Variants in EPB41L5 observed in about 807,000 individuals in gnomAD.
EPB41L5 encodes erythrocyte membrane protein band 4.1 like 5.
EPB41L5 carries 55 observed loss-of-function variants against 106.6 expected under a neutral mutation model. That is an observed-to-expected ratio of 0.52 (90% CI 0.42 to 0.65). The LOEUF is 0.65. Ranked by LOEUF, EPB41L5 falls within the 30% of genes least tolerant of loss-of-function variation. The pLI is 0.00. For synonymous variants in EPB41L5, 297 were observed against 306.7 expected (o/e 0.97, Z 0.33); for missense variants, 871 against 882.1 (o/e 0.99, Z 0.16).
rs1683546094 is a variant in EPB41L5, at chr2:120,093,420, A to G, written c.1178+144A>G. ...TATGTCAGGGAATAAATGAACATGT[A>G]ATGCCAGATAAAAGTGACATGATGA... On this transcript the variant is annotated intron_variant, in intron 14 of 24. Coordinates refer to ENST00000263713, the MANE Select transcript of EPB41L5 (RefSeq NM_020909.4). 5.0e-5 allele frequency: 36 copies of G among 726,726 alleles called. 1 individual carries two copies. The South Asian group carries it at 5.8e-4, about 12-fold the overall frequency. The allele number at this position is 726,726 out of a possible 1,614,324, so 45.0% of individuals were successfully genotyped here. A position where few individuals can be genotyped will look rare whatever the true frequency, so the allele number is the denominator to read the frequency against.
chr2:120,077,644 C>T (rs1034490), intron 9 of EPB41L5, among the ~76,000 whole-genome samples: 150,746 of 152,252 alleles, frequency 0.99, 74,645 homozygotes, highest in East Asian at 1. Context: ...TCCTGTTATA[C>T]GACTTACACT....
chr2:120,066,481 A>T (rs994470456), intron 3 of EPB41L5, among the ~76,000 whole-genome samples: 1 of 152,206 alleles, frequency 6.6e-6, no homozygotes, highest in Non-Finnish European at 1.5e-5. Flanking sequence ...GTGGATATAT[A>T]GTGCTCTATT....
At chr2:120,080,474 A>G (rs868511816) in intron 10 of EPB41L5, among the ~76,000 whole-genome samples, 54 of 152,270 alleles carry the variant, frequency 3.5e-4, no homozygotes, top group Middle Eastern at 3.4e-3. Context: ...TCCATGGTGT[A>G]TATGTGCCAC....
At chr2:120,173,681 A>T (rs562741119) in intron 24 of EPB41L5, among the ~76,000 whole-genome samples, 2 of 152,146 alleles carry the variant, frequency 1.3e-5, no homozygotes, top group South Asian at 4.1e-4. Context: ...ATATCGTTTT[A>T]CATCTTTAAA....
chr2:120,080,575 C>G (rs1682578572), intron 10 of EPB41L5, among the ~76,000 whole-genome samples: 1 of 152,140 alleles, frequency 6.6e-6, no homozygotes, highest in Non-Finnish European at 1.5e-5. Context: ...CATACGTGTG[C>G]ATGTGTCTTT....
At chr2:120,151,789 G>A (rs1183105086) in intron 20 of EPB41L5, among the ~76,000 whole-genome samples, 1 of 151,580 alleles carries the variant, frequency 6.6e-6, no homozygotes, top group Non-Finnish European at 1.5e-5. Context: ...GCTAATTTTT[G>A]TATTTTTAGT....
chr2:120,082,597 G>T (rs1233290532), intron 10 of EPB41L5, among the ~76,000 whole-genome samples: 1 of 152,114 alleles, frequency 6.6e-6, no homozygotes, highest in Non-Finnish European at 1.5e-5. Context: ...CCAGGCTTTG[G>T]TATAGGATGA....
intron 10 of EPB41L5, among the ~76,000 whole-genome samples, chr2:120,085,503 A>G (rs1159530581): frequency 6.6e-6 from 1 of 152,132 alleles, no homozygotes; most frequent in Non-Finnish European, 1.5e-5. Context: ...GCCGTGTGAG[A>G]TGTCAGTGTG....
chr2:120,031,422 A>G (rs1678702232), intron 2 of EPB41L5, among the ~76,000 whole-genome samples: 1 of 152,190 alleles, frequency 6.6e-6, no homozygotes, highest in Non-Finnish European at 1.5e-5. Context: ...AGAGGTGGTG[A>G]CCTGAAATAA....
intron 1 of EPB41L5, among the ~76,000 whole-genome samples, chr2:120,014,021 A>G (rs985356821): frequency 1.1e-4 from 16 of 152,256 alleles, no homozygotes; most frequent in African/African-American, 2.4e-5. Flanking sequence ...GCTTTAGAAA[A>G]TAGGTTAACA....
intron 16 of EPB41L5, 28 bp from the exon 17 acceptor site, chr2:120,127,660 C>T: frequency 1.9e-6 from 3 of 1,539,714 alleles, no homozygotes; most frequent in Middle Eastern, 1.7e-4. Context: ...ATTTCTTGGT[C>T]TAAGTAAATT....
intron 16 of EPB41L5, among the ~76,000 whole-genome samples, chr2:120,114,377 T>C (rs1213018021): frequency 6.6e-6 from 1 of 152,226 alleles, no homozygotes; most frequent in Non-Finnish European, 1.5e-5. Flanking sequence ...GGCTGTAATA[T>C]GTGGTACATA....
At chr2:120,106,524 A>G in intron 16 of EPB41L5, 2 of 985,416 alleles carry the variant, frequency 2.0e-6, no homozygotes, top group Non-Finnish European at 2.4e-6. Flanking sequence ...TCGGAATTAG[A>G]GAAGTAATAA....
chr2:120,119,508 AT>A (rs1685111069), intron 16 of EPB41L5, among the ~76,000 whole-genome samples: 1 of 152,014 alleles, frequency 6.6e-6, no homozygotes, highest in Non-Finnish European at 1.5e-5. Flanking sequence ...TGAGTCTTTA[AT>A]CCATCTTGAG....
intron 21 of EPB41L5, 47 bp from the exon 22 acceptor site, chr2:120,164,789 G>A: frequency 7.3e-7 from 1 of 1,372,632 alleles, no homozygotes; most frequent in Non-Finnish European, 1.0e-6. Context: ...CTTAACATCT[G>A]ATGATAAAGG....
chr2:120,071,684 T>G (rs1681877995), intron 3 of EPB41L5, among the ~76,000 whole-genome samples: 1 of 152,206 alleles, frequency 6.6e-6, no homozygotes, highest in Non-Finnish European at 1.5e-5. Context: ...AGGGAAAGGA[T>G]TCCCTATTTA....
chr2:120,086,712 C>T (rs909852183), intron 10 of EPB41L5, among the ~76,000 whole-genome samples: 3 of 152,228 alleles, frequency 2.0e-5, no homozygotes, highest in Admixed American at 6.5e-5. Flanking sequence ...CTGCAGTCCA[C>T]CCTGTGTAAT....
chr2:120,167,831 G>A (rs755153498), intron 23 of EPB41L5, 46 bp from the exon 24 acceptor site: 142 of 1,610,704 alleles, frequency 8.8e-5, no homozygotes, highest in Non-Finnish European at 1.2e-4. Flanking sequence ...TGCTGACCAG[G>A]CAGGTATTGT....
chr2:120,058,460 G>A (rs1401433180), intron 3 of EPB41L5, among the ~76,000 whole-genome samples: 1 of 152,224 alleles, frequency 6.6e-6, no homozygotes, highest in African/African-American at 2.4e-5. Flanking sequence ...ACAGGTGTGG[G>A]CCACTGTGCC....
Sources: allele counts gnomAD v4.1 joint callset (sites outside exome capture counted in the v4.1 genomes callset), GRCh38; gene constraint gnomAD v4.1.1; transcripts MANE v1.5; gene names NCBI Gene and HGNC (gene_info 2026-07-23, HGNC 2026-07-21).